SLC28A3: variants seen among roughly 807,000 people sequenced by gnomAD.
SLC28A3 encodes the protein solute carrier family 28 member 3.
In SLC28A3, 68 loss-of-function variants were observed where a neutral mutation model predicts 84.2. That is an observed-to-expected ratio of 0.81 (90% confidence interval 0.66 to 0.99). The LOEUF (loss-of-function observed/expected upper bound fraction) is 0.99, where lower values mean the gene tolerates loss of function less well. Ranked by LOEUF, SLC28A3 falls within the 50% of genes least tolerant of loss-of-function variation. The probability of loss-of-function intolerance (pLI) is 0.00; values close to 1 mark genes in which losing one functional copy is unlikely to be tolerated. For missense variants in SLC28A3, 712 were observed against 841.5 expected, an observed-to-expected ratio of 0.85 and a Z score of 1.90; for synonymous variants, 267 against 303.6, an observed-to-expected ratio of 0.88 and a Z score of 1.25.
Position 84,321,733 on chromosome 9 carries a change from C to CA in SLC28A3, c.61-8280dup, listed in dbSNP as rs10707383. 6.0e-3 allele frequency among the ~76,000 whole-genome samples: 388 copies of CA among 64,574 alleles called. 1 individual carries two copies. The highest frequency in any genetic ancestry group is 0.011 in the South Asian group (18 of 1,670). The allele number at this position is 64,574 out of a possible 152,430, so 42.4% of individuals were successfully genotyped here. On this transcript the variant is annotated intron_variant, in intron 1 of 17. Coordinates refer to ENST00000376238, the MANE Select transcript of SLC28A3 (RefSeq NM_001199633.2). ...TGGGCAATAGAGTGAGACTCCGTCT[C>CA]AAAAAAAAAAAAAAAAAAAAAAGAA...
chr9:84,312,695 C>G (rs1454710775), intron 2 of SLC28A3, among the ~76,000 whole-genome samples: 3 of 152,030 alleles, frequency 2.0e-5, no homozygotes, highest in African/African-American at 7.2e-5. Flanking sequence ...CACGCCACCA[C>G]GCCCAGCTAA....
the SLC28A3 span, among the ~76,000 whole-genome samples, chr9:84,352,558 T>A: frequency 6.6e-6 from 1 of 152,012 alleles, no homozygotes; most frequent in Non-Finnish European, 1.5e-5. Flanking sequence ...TTGATAAGGA[T>A]TAAAAATTTT....
intron 1 of SLC28A3, among the ~76,000 whole-genome samples, chr9:84,326,118 A>G (rs931916979): frequency 1.1e-4 from 17 of 152,136 alleles, no homozygotes; most frequent in African/African-American, 4.1e-4. Context: ...GGAATAATAC[A>G]GATTTGGAAT....
chr9:84,339,484 A>G (rs1319539095), intron 1 of SLC28A3, among the ~76,000 whole-genome samples: 1 of 152,150 alleles, frequency 6.6e-6, no homozygotes, highest in Non-Finnish European at 1.5e-5. Flanking sequence ...TCCTGACCTC[A>G]AATGATCAGC....
In SLC28A3 at chr9:84,294,287, G is replaced by T. The variant is rs1366916183; in HGVS notation, c.862-12C>A. 2 of 1,613,826 alleles carry T rather than the reference G, an allele frequency of 1.2e-6. No individual in the cohort carries two copies. Among genetic ancestry groups the T allele is most frequent in the Non-Finnish European group, 1.7e-6 (2 of 1,179,840 alleles). Reference sequence around the variant, plus strand: ...ACGATCGGCAGGACCTGTGGGGACAGAAACAAACATGGATTAATGATGGGT... The same window carrying T: ...ACGATCGGCAGGACCTGTGGGGACATAAACAAACATGGATTAATGATGGGT... On this transcript the variant is annotated splice_polypyrimidine_tract_variant and intron_variant, in intron 8 of 17. Coordinates refer to ENST00000376238, the MANE Select transcript of SLC28A3 (RefSeq NM_001199633.2).
At chr9:84,312,547 T>A (rs1826026275) in intron 2 of SLC28A3, among the ~76,000 whole-genome samples, 1 of 151,024 alleles carries the variant, frequency 6.6e-6, no homozygotes, top group South Asian at 2.1e-4. Context: ...AATTCCTTTT[T>A]TTTTTTTTTT....
the SLC28A3 span, among the ~76,000 whole-genome samples, chr9:84,357,966 G>T: frequency 1.3e-5 from 2 of 152,158 alleles, no homozygotes; most frequent in African/African-American, 2.4e-5. Context: ...GATGTACAGA[G>T]AATCCTAAAA....
the SLC28A3 span, among the ~76,000 whole-genome samples, chr9:84,354,905 C>A: frequency 6.7e-6 from 1 of 150,274 alleles, no homozygotes; most frequent in African/African-American, 2.4e-5. Flanking sequence ...CTGAAAAAAA[C>A]CTAAAAAGGG....
chr9:84,310,678 A>T (rs1015090646), intron 2 of SLC28A3: 36 of 798,610 alleles, frequency 4.5e-5, no homozygotes, highest in African/African-American at 1.9e-5. Flanking sequence ...GCCAAACTCC[A>T]TTGTTCTTCT....
intron 14 of SLC28A3, among the ~76,000 whole-genome samples, chr9:84,281,575 A>T (rs1824750896): frequency 6.6e-6 from 1 of 152,220 alleles, no homozygotes; most frequent in Non-Finnish European, 1.5e-5. Flanking sequence ...AACAGTATGG[A>T]AGTTTCTTCT....
chr9:84,306,221 G>A (rs557381645), intron 3 of SLC28A3, among the ~76,000 whole-genome samples: 9 of 152,216 alleles, frequency 5.9e-5, no homozygotes, highest in African/African-American at 4.8e-5. Context: ...TCCAGGCCAC[G>A]GGATAGCACT....
Position 84,299,450 on chromosome 9 carries a change from A to C in SLC28A3, c.669+131T>G, listed in dbSNP as rs1173620539. The stretch of plus-strand genomic sequence containing the variant: ...TTCAGGAAGATAGGGCACCCTGGTC[A>C]CGTTAAATAATCCCATCAAGGTAAG... On this transcript the variant is annotated intron_variant, in intron 6 of 17. Transcript: ENST00000376238. 3.5e-6 allele frequency: 4 copies of C among 1,154,488 alleles called. No individual in the cohort carries two copies. The Admixed American group carries it at 1.1e-4, about 31-fold the overall frequency. The allele number at this position is 1,154,488 out of a possible 1,614,324, so 71.5% of individuals were successfully genotyped here.
upstream of SLC28A3, among the ~76,000 whole-genome samples, chr9:84,341,160 G>C (rs918247061): frequency 6.6e-6 from 1 of 151,926 alleles, no homozygotes; most frequent in South Asian, 2.1e-4. Context: ...TAGTAGAGAC[G>C]GGGTTTCACC....
At chr9:84,363,681 A>G in the SLC28A3 span, among the ~76,000 whole-genome samples, 1 of 152,192 alleles carries the variant, frequency 6.6e-6, no homozygotes, top group African/African-American at 2.4e-5. Context: ...CCCACCCCAG[A>G]CATTCTGAGT....
intron 9 of SLC28A3, 81 bp downstream of exon 9, chr9:84,294,113 AC>A (rs1258559371): frequency 8.0e-7 from 1 of 1,256,606 alleles, no homozygotes; most frequent in African/African-American, 1.5e-5. Context: ...CTTCGTAAAT[AC>A]CTGCATAAAA....
chr9:84,316,270 G>T (rs1826166941), intron 1 of SLC28A3, among the ~76,000 whole-genome samples: 1 of 152,138 alleles, frequency 6.6e-6, no homozygotes, highest in Non-Finnish European at 1.5e-5. Flanking sequence ...TCCCCTATTT[G>T]TGGTATCCCT....
intron 4 of SLC28A3, among the ~76,000 whole-genome samples, chr9:84,303,023 C>T (rs779320202): frequency 9.2e-5 from 14 of 152,120 alleles, no homozygotes; most frequent in South Asian, 6.2e-4. Flanking sequence ...GTGGCAAGAA[C>T]GTTTATATTT....
At position 84,278,503 on chromosome 9, in the gene SLC28A3, T is replaced by G. The variant is rs1028808510; in HGVS notation, c.1950-159A>C. The G allele has an allele frequency of 4.5e-6, 4 of 879,478 alleles. No homozygotes were observed. The East Asian group carries it at 1.1e-4, about 24-fold the overall frequency. 54.5% of individuals were successfully genotyped at this position (879,478 alleles called of 1,614,324 possible). A position where few individuals can be genotyped will look rare whatever the true frequency, so the allele number is the denominator to read the frequency against. On this transcript the variant is annotated intron_variant, in intron 17 of 17. Coordinates refer to ENST00000376238, the MANE Select transcript of SLC28A3 (RefSeq NM_001199633.2). ...AAGGACAGAGACACTGGGGAATTTG[T>G]TTTGGCTCCTAAATTCTGGGTGTCC...
At chr9:84,310,596 G>T in intron 2 of SLC28A3, 5 of 985,174 alleles carry the variant, frequency 5.1e-6, no homozygotes, top group African/African-American at 1.7e-5. Flanking sequence ...CTCTTTAACA[G>T]AAATCATAGA....
Sources: allele counts gnomAD v4.1 joint callset (sites outside exome capture counted in the v4.1 genomes callset), GRCh38; gene constraint gnomAD v4.1.1; transcripts MANE v1.5; gene names NCBI Gene and HGNC (gene_info 2026-07-23, HGNC 2026-07-21).